EPB41L4A: variants seen among roughly 807,000 people sequenced by gnomAD.
The protein encoded by EPB41L4A is erythrocyte membrane protein band 4.1 like 4A.
EPB41L4A carries 100 observed loss-of-function variants against 108.6 expected under a neutral mutation model. The observed-to-expected ratio is 0.92, with a 90% CI of 0.78 to 1.09. The LOEUF (loss-of-function observed/expected upper bound fraction) is 1.09, where lower values mean the gene tolerates loss of function less well. Among genes scored for constraint, EPB41L4A ranks in the 50% least tolerant of loss-of-function variants. The pLI is 0.00. For missense variants in EPB41L4A, 1,030 were observed against 842.7 expected, an observed-to-expected ratio of 1.22 and a Z score of -2.75; for synonymous variants, 319 against 289.0, an observed-to-expected ratio of 1.10 and a Z score of -1.05.
At chr5:112,184,359 C>G (rs1561457254) in intron 17 of EPB41L4A, among the ~76,000 whole-genome samples, 1 of 152,124 alleles carries the variant, frequency 6.6e-6, no homozygotes, top group Non-Finnish European at 1.5e-5. Flanking sequence ...ACATTATTTG[C>G]AGACTTCTGA....
intron 18 of EPB41L4A, among the ~76,000 whole-genome samples, chr5:112,176,913 C>G (rs187000704): frequency 1.3e-5 from 2 of 151,808 alleles, no homozygotes; most frequent in Non-Finnish European, 2.9e-5. Flanking sequence ...CACCACCACA[C>G]CCAGCTAATT....
intron 2 of EPB41L4A, among the ~76,000 whole-genome samples, chr5:112,288,648 T>C (rs903132537): frequency 3.9e-5 from 6 of 152,160 alleles, no homozygotes; most frequent in Admixed American, 2.0e-4. Context: ...TTTGCCCCTT[T>C]CTAACTGGAA....
intron 12 of EPB41L4A, among the ~76,000 whole-genome samples, chr5:112,154,752 A>T (rs1759592964): frequency 1.3e-5 from 2 of 152,232 alleles, no homozygotes; most frequent in Admixed American, 1.3e-4. Flanking sequence ...TGCTAAAGTG[A>T]CATAAATGCT....
intron 1 of EPB41L4A, chr5:112,392,834 T>C (rs1424400691): frequency 1.3e-5 from 2 of 152,196 alleles, no homozygotes; most frequent in African/African-American, 2.4e-5. Context: ...GACGACATAA[T>C]TGGAAGTAAA....
At chr5:112,356,363 A>C (rs1171016378) in intron 1 of EPB41L4A, among the ~76,000 whole-genome samples, 1 of 152,138 alleles carries the variant, frequency 6.6e-6, no homozygotes, top group African/African-American at 2.4e-5. Context: ...TCACTGTCTA[A>C]CTTACCACTT....
chr5:112,365,309 C>A (rs1306772731), intron 1 of EPB41L4A, among the ~76,000 whole-genome samples: 2 of 152,186 alleles, frequency 1.3e-5, no homozygotes, highest in Admixed American at 6.5e-5. Context: ...GTAATCCTCC[C>A]ACCTCAGCCT....
intron 12 of EPB41L4A, among the ~76,000 whole-genome samples, chr5:112,228,970 G>C (rs1748670700): frequency 6.6e-6 from 1 of 152,206 alleles, no homozygotes; most frequent in African/African-American, 2.4e-5. Context: ...CTTTTTAGCT[G>C]CCAGGGCATT....
At chr5:112,374,550 T>A (rs878855914) in intron 1 of EPB41L4A, among the ~76,000 whole-genome samples, 1 of 152,172 alleles carries the variant, frequency 6.6e-6, no homozygotes, top group Non-Finnish European at 1.5e-5. Flanking sequence ...CAGCAATATT[T>A]TGCCTTCCAG....
intron 9 of EPB41L4A, chr5:112,256,817 C>G (rs942849758): frequency 6.6e-6 from 1 of 151,990 alleles, no homozygotes; most frequent in African/African-American, 2.4e-5. Context: ...TATTCATGAC[C>G]TCTGAGTTTT....
intron 17 of EPB41L4A, among the ~76,000 whole-genome samples, chr5:112,186,868 T>C (rs1761456194): frequency 6.6e-6 from 1 of 152,248 alleles, no homozygotes. Context: ...AAGAATATTG[T>C]AGCACTTTGT....
chr5:112,277,262 A>G lies in EPB41L4A; in HGVS notation c.257-1858T>C, dbSNP rs1226726379. On this transcript the variant is annotated intron_variant, in intron 3 of 22. Coordinates refer to ENST00000261486, the MANE Select transcript of EPB41L4A (RefSeq NM_022140.5). ...GGAAGAGGCCTTCTCCAGGCCTCAG[A>G]GCTGCTTCTATTCTTTGGAACATGA... 2.6e-5 allele frequency among the ~76,000 whole-genome samples: 4 copies of G among 152,292 alleles called. No individual in the cohort carries two copies. In the East Asian group the frequency reaches 7.7e-4, roughly 29 times the overall value.
chr5:112,327,555 A>C (rs1756254952), intron 1 of EPB41L4A, among the ~76,000 whole-genome samples: 2 of 152,094 alleles, frequency 1.3e-5, no homozygotes, highest in African/African-American at 2.4e-5. Context: ...ATCTCTACAA[A>C]AAATTTAAAA....
intron 1 of EPB41L4A, among the ~76,000 whole-genome samples, chr5:112,324,598 C>G (rs1170235362): frequency 6.6e-6 from 1 of 151,734 alleles, no homozygotes; most frequent in African/African-American, 2.4e-5. Flanking sequence ...TGGAACGCGT[C>G]TGTAGTCCCA....
intron 1 of EPB41L4A, among the ~76,000 whole-genome samples, chr5:112,371,467 T>C (rs1030118564): frequency 1.3e-5 from 2 of 152,162 alleles, no homozygotes; most frequent in Non-Finnish European, 2.9e-5. Flanking sequence ...ATGGAATCCC[T>C]TGGCCCCACT....
chr5:112,398,057 C>T (rs943490412), intron 1 of EPB41L4A, among the ~76,000 whole-genome samples: 1 of 152,198 alleles, frequency 6.6e-6, no homozygotes, highest in Non-Finnish European at 1.5e-5. Context: ...GAAATGCACA[C>T]AGCATGTTCA....
chr5:112,216,543 T>C (rs1486876370), intron 12 of EPB41L4A, among the ~76,000 whole-genome samples: 3 of 152,190 alleles, frequency 2.0e-5, no homozygotes, highest in African/African-American at 7.2e-5. Context: ...AATTCTCAAA[T>C]ATAAATTTAT....
At chr5:112,403,547 CAACCTCT>C (rs1761911697) in intron 1 of EPB41L4A, among the ~76,000 whole-genome samples, 1 of 152,118 alleles carries the variant, frequency 6.6e-6, no homozygotes, top group Non-Finnish European at 1.5e-5. Flanking sequence ...GAGCTTACTG[CAACCTCT>C]AACTCCTGGA....
chr5:112,200,249 C>T (rs1394654082), intron 15 of EPB41L4A, among the ~76,000 whole-genome samples: 1 of 152,148 alleles, frequency 6.6e-6, no homozygotes, highest in Non-Finnish European at 1.5e-5. Flanking sequence ...GTTTGTATCT[C>T]AGATCCTGGC....
chr5:112,279,608 C>T (rs775428909), intron 3 of EPB41L4A, among the ~76,000 whole-genome samples: 8 of 152,054 alleles, frequency 5.3e-5, no homozygotes, highest in Admixed American at 1.3e-4. Flanking sequence ...CCTTTTATTT[C>T]AATTGAAACA....
Sources: gnomAD v4.1 joint callset for allele counts (sites outside exome capture counted in the v4.1 genomes callset) on GRCh38, gnomAD v4.1.1 for gene constraint, MANE v1.5 for transcripts, NCBI Gene and HGNC (gene_info 2026-07-23, HGNC 2026-07-21) for gene names.